JMJD1C: variants seen among roughly 807,000 people sequenced by gnomAD.
JMJD1C encodes the protein jumonji domain containing 1C, also known as jumonji domain-containing protein 1C.
A neutral mutation model predicts 245.3 loss-of-function variants in JMJD1C; 31 were observed. The observed-to-expected ratio is 0.13, with a 90% confidence interval of 0.09 to 0.17. The LOEUF (loss-of-function observed/expected upper bound fraction) is 0.17, where lower values mean the gene tolerates loss of function less well. Ranked by LOEUF, JMJD1C falls within the 10% of genes least tolerant of loss-of-function variation. JMJD1C has a pLI of 1.00. For missense variants in JMJD1C, 2,691 were observed against 3,000.2 expected, an observed-to-expected ratio of 0.90 and a Z score of 2.41; for synonymous variants, 1,057 against 1,017.4, an observed-to-expected ratio of 1.04 and a Z score of -0.74.
intron 2 of JMJD1C, among the ~76,000 whole-genome samples, chr10:63,327,477 A>C (rs900716328): frequency 6.6e-6 from 1 of 152,188 alleles, no homozygotes; most frequent in African/African-American, 2.4e-5. Flanking sequence ...TGGCAGAAGA[A>C]TAAATTTGGG....
intron 13 of JMJD1C, among the ~76,000 whole-genome samples, chr10:63,195,886 G>A (rs1443428288): frequency 3.9e-5 from 6 of 152,064 alleles, no homozygotes; most frequent in Non-Finnish European, 5.9e-5. Flanking sequence ...CCGAGATTGC[G>A]CCACTGCACT....
At chr10:63,419,683 G>A (rs1950006677) in intron 1 of JMJD1C, among the ~76,000 whole-genome samples, 2 of 152,052 alleles carry the variant, frequency 1.3e-5, no homozygotes, top group African/African-American at 2.4e-5. Flanking sequence ...AAGTAACCCA[G>A]AATTAAGTCA....
Position 63,215,625 on chromosome 10 carries a change from C to A in JMJD1C, c.750G>T (p.Leu250Phe). 1 of 1,611,200 alleles carries A rather than the reference C, an allele frequency of 6.2e-7. No homozygotes were observed. The highest frequency in any genetic ancestry group is 8.5e-7 in the Non-Finnish European group (1 of 1,177,524). ...MTFLDDVVHSLLKGENIGITS... is the reference protein window; with the variant it reads ...MTFLDDVVHSFLKGENIGITS... ...TAATGCCAATATTTTCACCTTTTAA[C>A]AAAGAGTGAACAACATCATCTAGAA... Residue 250 changes from leucine (L) to phenylalanine (F), a missense_variant, in exon 6 of 26, where the codon TTG (leucine) becomes TTT (phenylalanine). Physicochemically the swap from Leu to Phe is conservative, Grantham distance 22. Coordinates refer to ENST00000399262, the MANE Select transcript of JMJD1C (RefSeq NM_032776.3).
At chr10:63,466,957 G>T (rs1381519830), upstream of JMJD1C, among the ~76,000 whole-genome samples, 1 of 151,880 alleles carries the variant, frequency 6.6e-6, no homozygotes, top group Non-Finnish European at 1.5e-5. Context: ...TTTTTTATAG[G>T]TAGTCCAATA....
At chr10:63,480,843 C>T (rs978137208) in intron 1 of JMJD1C, among the ~76,000 whole-genome samples, 1 of 152,102 alleles carries the variant, frequency 6.6e-6, no homozygotes, top group African/African-American at 2.4e-5. Context: ...TTTGTGACTA[C>T]CAACAACAGT....
intron 1 of JMJD1C, among the ~76,000 whole-genome samples, chr10:63,454,388 G>T (rs879116318): frequency 2.0e-5 from 3 of 151,702 alleles, no homozygotes; most frequent in Non-Finnish European, 4.4e-5. Context: ...CTCCAGAGTA[G>T]CCGGGATTAC....
intron 1 of JMJD1C, among the ~76,000 whole-genome samples, chr10:63,401,336 G>A (rs577405752): frequency 6.6e-6 from 1 of 152,228 alleles, no homozygotes; most frequent in South Asian, 2.1e-4. Flanking sequence ...TATTCCTTGT[G>A]ATTACTTTGG....
At chr10:63,481,480 T>C (rs555781969) in intron 1 of JMJD1C, among the ~76,000 whole-genome samples, 70 of 152,254 alleles carry the variant, frequency 4.6e-4, no homozygotes, top group African/African-American at 1.6e-3. Context: ...AGTAATCACA[T>C]TGACTAAACA....
At position 63,402,145 on chromosome 10, in the gene JMJD1C, A is replaced by AC. The variant is rs56039930; in HGVS notation, c.169-21664_169-21663insG. Reference sequence around the variant, plus strand: ...GCAAACTCCGTCTCAAAAAAAAAGAAAAAAAAACAAAAAAAGTGGGCAGGG... The same window carrying AC: ...GCAAACTCCGTCTCAAAAAAAAAGAACAAAAAAACAAAAAAAGTGGGCAGGG... On this transcript the variant is annotated intron_variant, in intron 1 of 25. Transcript: ENST00000399262. Among the ~76,000 whole-genome samples the AC allele has an allele frequency of 8.3e-3, 448 of 54,038 alleles. 4 individuals carry two copies. The highest frequency in any genetic ancestry group is 0.02 in the African/African-American group (416 of 21,302). 35.5% of individuals were successfully genotyped at this position (54,038 alleles called of 152,430 possible). A position where few individuals can be genotyped will look rare whatever the true frequency, so the allele number is the denominator to read the frequency against.
At chr10:63,222,119 T>C (rs927052739) in intron 3 of JMJD1C, 2 of 667,776 alleles carry the variant, frequency 3.0e-6, no homozygotes, top group East Asian at 5.4e-5. Context: ...CTTCCTTACA[T>C]AGCACTTCCG....
intron 2 of JMJD1C, among the ~76,000 whole-genome samples, chr10:63,341,821 A>T (rs1943408721): frequency 6.6e-6 from 1 of 152,210 alleles, no homozygotes; most frequent in Non-Finnish European, 1.5e-5. Context: ...CACGTTCTTG[A>T]ACGACATGCT....
intron 2 of JMJD1C, among the ~76,000 whole-genome samples, chr10:63,267,436 G>A (rs1442215577): frequency 6.6e-6 from 1 of 151,938 alleles, no homozygotes; most frequent in East Asian, 1.9e-4. Flanking sequence ...AAAACAAATG[G>A]GTCCTACAGC....
At chr10:63,224,786 G>A (rs1432242066) in intron 3 of JMJD1C, among the ~76,000 whole-genome samples, 5 of 152,032 alleles carry the variant, frequency 3.3e-5, no homozygotes, top group Non-Finnish European at 7.4e-5. Context: ...TTAATGGGCC[G>A]GGTGCGATGG....
At chr10:63,279,467 T>G (rs1857168806) in intron 2 of JMJD1C, among the ~76,000 whole-genome samples, 1 of 152,216 alleles carries the variant, frequency 6.6e-6, no homozygotes, top group South Asian at 2.1e-4. Context: ...TCAAGTAGAA[T>G]GTACAGAAGC....
chr10:63,415,233 ACCT>A (rs1282673870), intron 1 of JMJD1C, among the ~76,000 whole-genome samples: 3 of 150,142 alleles, frequency 2.0e-5, no homozygotes, highest in African/African-American at 7.4e-5. Flanking sequence ...TATCAGATAT[ACCT>A]CATTATGATT....
chr10:63,416,345 G>GTT lies in JMJD1C; in HGVS notation c.169-35865_169-35864dup, dbSNP rs10640079. 7.1e-3 allele frequency among the ~76,000 whole-genome samples: 1,040 copies of GTT among 147,108 alleles called. 4 individuals carry two copies. The highest frequency in any genetic ancestry group is 0.012 in the Admixed American group (182 of 14,674). The stretch of plus-strand genomic sequence containing the variant: ...CACAAAACAATCAGCATTTATCTTA[G>GTT]TTTTTTTTTTTTAATAATAAACATT... On this transcript the variant is annotated intron_variant, in intron 1 of 25. Coordinates refer to ENST00000399262, the MANE Select transcript of JMJD1C (RefSeq NM_032776.3).
At chr10:63,367,378 C>T (rs1945935364) in intron 2 of JMJD1C, among the ~76,000 whole-genome samples, 1 of 152,112 alleles carries the variant, frequency 6.6e-6, no homozygotes, top group Non-Finnish European at 1.5e-5. Context: ...TCCCGAGTAG[C>T]TAGGATTACA....
At chr10:63,268,494 AAACAC>A (rs1196613187) in intron 2 of JMJD1C, among the ~76,000 whole-genome samples, 1 of 152,210 alleles carries the variant, frequency 6.6e-6, no homozygotes, top group South Asian at 2.1e-4. Flanking sequence ...AAATTACTAC[AAACAC>A]AATAAACCTT....
intron 3 of JMJD1C, among the ~76,000 whole-genome samples, chr10:63,238,210 AAGCTATAACTAAAATTCCAAT>A (rs1851021879): frequency 6.6e-6 from 1 of 150,948 alleles, no homozygotes; most frequent in African/African-American, 2.4e-5. Flanking sequence ...AAAAGGAAGG[AAGCTATAACTAAAATTCCAAT>A]GTATCATAAT....
Sources: gnomAD v4.1 joint callset for allele counts (sites outside exome capture counted in the v4.1 genomes callset) on GRCh38, gnomAD v4.1.1 for gene constraint, MANE v1.5 for transcripts, NCBI Gene and HGNC (gene_info 2026-07-23, HGNC 2026-07-21) for gene names.